Variants in PCDHGA2 observed in about 807,000 individuals in gnomAD.
The protein encoded by PCDHGA2 is protocadherin gamma-A2.
A neutral mutation model predicts 59.2 loss-of-function variants in PCDHGA2; 40 were observed. The ratio of observed to expected loss-of-function variants is 0.68; its 90% confidence interval spans 0.52 to 0.88. PCDHGA2 has a LOEUF of 0.88. Ranked by LOEUF, PCDHGA2 falls within the 40% of genes least tolerant of loss-of-function variation. The probability of loss-of-function intolerance (pLI) is 0.00; values close to 1 mark genes in which losing one functional copy is unlikely to be tolerated. For synonymous variants in PCDHGA2, 560 were observed against 526.0 expected (o/e 1.06, Z -0.89); for missense variants, 1,226 against 1,204.0 (o/e 1.02, Z -0.27).
intron 1 of PCDHGA2, chr5:141,365,091 A>G: frequency 6.2e-7 from 1 of 1,613,870 alleles, no homozygotes. Context: ...GTTCCAGAGA[A>G]CATACCTGTG....
chr5:141,381,720 T>G (rs1777381403), intron 1 of PCDHGA2, among the ~76,000 whole-genome samples: 1 of 152,132 alleles, frequency 6.6e-6, no homozygotes, highest in Non-Finnish European at 1.5e-5. Context: ...CTCACAAGAC[T>G]GGGAGTGAGA....
rs978480877 is a variant in PCDHGA2, at chr5:141,417,841, G to A, written c.2424+76446G>A. ...CTCCAACTGGAAAAGCGGGGACCCAGCGAGAACCCGAGCGAACGATGGGAG... is the reference window on the plus strand; with the variant it reads ...CTCCAACTGGAAAAGCGGGGACCCAACGAGAACCCGAGCGAACGATGGGAG... On this transcript the variant is annotated intron_variant, in intron 1 of 3. Coordinates refer to ENST00000394576, the MANE Select transcript of PCDHGA2 (RefSeq NM_018915.4). 1.4e-5 allele frequency: 21 copies of A among 1,537,848 alleles called. No homozygotes were observed. In the African/African-American group the frequency reaches 2.6e-4, roughly 19 times the overall value.
intron 1 of PCDHGA2, chr5:141,361,641 A>G (rs1377463316): frequency 5.6e-6 from 9 of 1,613,720 alleles, no homozygotes; most frequent in Admixed American, 5.0e-5. Context: ...GGGAGATTTT[A>G]TCCTACGTGT....
rs1353944459 is a variant in PCDHGA2, at chr5:141,365,774, G to A, written c.2424+24379G>A. 3 of 1,613,874 alleles carry A rather than the reference G, an allele frequency of 1.9e-6. No individual in the cohort carries two copies. The highest frequency in any genetic ancestry group is 1.3e-5 in the African/African-American group (1 of 75,032). On this transcript the variant is annotated intron_variant, in intron 1 of 3. Transcript: ENST00000394576. ...TGTGACAGCCCATGACCCCGACAGC[G>A]GCGACAACGCTCGAGTCACCTACTC...
intron 1 of PCDHGA2, chr5:141,383,335 A>G (rs768493481): frequency 3.1e-6 from 5 of 1,613,892 alleles, no homozygotes; most frequent in Non-Finnish European, 4.2e-6. Flanking sequence ...AATGGAGAAT[A>G]CAGCTCCTGG....
chr5:141,442,870 T>A (rs942975420), intron 1 of PCDHGA2, among the ~76,000 whole-genome samples: 1 of 152,192 alleles, frequency 6.6e-6, no homozygotes, highest in African/African-American at 2.4e-5. Flanking sequence ...AGATGTAAAT[T>A]TACAACTCAG....
chr5:141,362,071 G>A (rs1322302295), intron 1 of PCDHGA2: 1 of 1,612,812 alleles, frequency 6.2e-7, no homozygotes, highest in African/African-American at 1.3e-5. Context: ...GCTGGTCGCT[G>A]TGCGTGATGG....
chr5:141,414,236 C>T, intron 1 of PCDHGA2: 1 of 1,613,456 alleles, frequency 6.2e-7, no homozygotes. Flanking sequence ...CTGACCATCA[C>T]GTCTCTATTT....
intron 1 of PCDHGA2, chr5:141,400,753 T>C: frequency 1.7e-6 from 1 of 597,232 alleles, no homozygotes; most frequent in Non-Finnish European, 2.9e-6. Flanking sequence ...CTTAGCTTCC[T>C]CTCTAGCAAA....
rs1443411888 is a variant in PCDHGA2, at chr5:141,374,687, C to T, written c.2424+33292C>T. 3.7e-6 allele frequency: 6 copies of T among 1,609,326 alleles called. No individual in the cohort carries two copies. In the East Asian group the frequency reaches 6.7e-5, roughly 18 times the overall value. ...GCTGGTGCTGGAGGGCACACTGGAC[C>T]GGGAAGGAGAAGCCGTTTACCGCCT... is the stretch of plus-strand genomic sequence containing the variant. On this transcript the variant is annotated intron_variant, in intron 1 of 3. Transcript: ENST00000394576.
chr5:141,403,038 G>A, intron 1 of PCDHGA2: 1 of 1,614,088 alleles, frequency 6.2e-7, no homozygotes, highest in Non-Finnish European at 8.5e-7. Context: ...GCCAGGGCCA[G>A]TCAGATTCGC....
chr5:141,374,215 C>T (rs770866531), intron 1 of PCDHGA2: 4 of 1,613,958 alleles, frequency 2.5e-6, no homozygotes, highest in South Asian at 1.1e-5. Flanking sequence ...AAGGCTCCTT[C>T]GTAGGCAACA....
chr5:141,346,437 G>A (rs759223257), intron 1 of PCDHGA2: 9 of 1,614,222 alleles, frequency 5.6e-6, no homozygotes, highest in Non-Finnish European at 6.8e-6. Flanking sequence ...TGAAATGAAA[G>A]GAGATTCCAA....
Position 141,431,112 on chromosome 5 carries a change from GAGTAGA to G in PCDHGA2, c.2425-63684_2425-63679del, listed in dbSNP as rs764068262. On this transcript the variant is annotated intron_variant, in intron 1 of 3. Transcript: ENST00000394576. The surrounding 1 kb of genome is among the most constrained non-coding windows in gnomAD (Gnocchi z 4.8). ...ATGGAGGATAAAGTGAAAATATATG[GAGTAGA>G]AGTAGAAGTAAGGGACATTAACGAC... The G allele has an allele frequency of 1.7e-5, 28 of 1,614,128 alleles. No individual in the cohort carries two copies. The highest frequency in any genetic ancestry group is 3.3e-5 in the South Asian group (3 of 91,092).
chr5:141,473,626 G>A lies in PCDHGA2; in HGVS notation c.2425-21181G>A, dbSNP rs149882847. ...GCAAAGCAAAGGGAGGGAGGAAAAA[G>A]CAGCTTTCCTGGCAAAGGAACAATT... On this transcript the variant is annotated intron_variant, in intron 1 of 3. Transcript: ENST00000394576. Among the ~76,000 whole-genome samples, 1,234 of 152,276 alleles carry A rather than the reference G, an allele frequency of 8.1e-3. 14 individuals are homozygous for A. Among genetic ancestry groups the A allele is most frequent in the Non-Finnish European group, 0.011 (715 of 68,020 alleles).
At position 141,487,570 on chromosome 5, in the gene PCDHGA2, T is replaced by A; in HGVS notation, c.2425-7237T>A. 6.2e-7 allele frequency: 1 copy of A among 1,614,178 alleles called. No homozygotes were observed. On this transcript the variant is annotated intron_variant, in intron 1 of 3. Transcript: ENST00000394576. The surrounding 1 kb of genome is among the most constrained non-coding windows in gnomAD (Gnocchi z 5.0). ...CCAGTGCACCTATGGCAGGGGAGCCTGTTCGCCCAAGCTGCCCACCCTCTG... is the reference window on the plus strand; with the variant it reads ...CCAGTGCACCTATGGCAGGGGAGCCAGTTCGCCCAAGCTGCCCACCCTCTG...
chr5:141,408,921 C>T (rs1228341286), intron 1 of PCDHGA2: 2 of 1,613,462 alleles, frequency 1.2e-6, no homozygotes, highest in African/African-American at 1.3e-5. Flanking sequence ...GATAACCCCC[C>T]GGTTTTCAGC....
intron 1 of PCDHGA2, among the ~76,000 whole-genome samples, chr5:141,381,931 G>A (rs1032910832): frequency 6.3e-5 from 9 of 143,684 alleles, no homozygotes; most frequent in African/African-American, 2.3e-4. Context: ...CCGGGTTCAA[G>A]CGATTTTCCT....
chr5:141,365,693 G>A, intron 1 of PCDHGA2: 1 of 1,613,364 alleles, frequency 6.2e-7, no homozygotes, highest in South Asian at 1.1e-5. Flanking sequence ...TTTCCCTCAA[G>A]CCTCCTACTC....
Sources: gnomAD v4.1 joint callset for allele counts (sites outside exome capture counted in the v4.1 genomes callset) on GRCh38, gnomAD v4.1.1 for gene constraint, Gnocchi (gnomAD v3.1) non-coding constraint, MANE v1.5 for transcripts, NCBI Gene and HGNC (gene_info 2026-07-23, HGNC 2026-07-21) for gene names.